Variants in PRR16 observed in about 807,000 individuals in gnomAD.
PRR16 encodes the protein proline rich 16.
In PRR16, 6 loss-of-function variants were observed where a neutral mutation model predicts 18.2. The ratio of observed to expected loss-of-function variants is 0.33; its 90% CI spans 0.18 to 0.65. The LOEUF is 0.65. PRR16 is among the 30% of genes least tolerant of loss of function. The pLI is 0.74. For synonymous variants in PRR16, 151 were observed against 147.8 expected (o/e 1.02, Z -0.16); for missense variants, 412 against 376.6 (o/e 1.09, Z -0.78).
intron 1 of PRR16, among the ~76,000 whole-genome samples, chr5:120,567,548 A>T (rs1752775943): frequency 6.6e-6 from 1 of 152,114 alleles, no homozygotes. Flanking sequence ...CTCAAATCTC[A>T]CACTGAATTG....
At chr5:120,655,388 T>TAAA (rs1554092374) in intron 1 of PRR16, among the ~76,000 whole-genome samples, 200 of 143,602 alleles carry the variant, frequency 1.4e-3, no homozygotes, top group Middle Eastern at 3.6e-3. Context: ...TTTTTTTTTT[T>TAAA]AAAAAAAAAG....
At chr5:120,694,475 G>A in the PRR16 span, among the ~76,000 whole-genome samples, 1 of 152,024 alleles carries the variant, frequency 6.6e-6, no homozygotes, top group African/African-American at 2.4e-5. Flanking sequence ...ACGAGGTCAG[G>A]AGATCGAGAC....
the PRR16 span, among the ~76,000 whole-genome samples, chr5:120,733,811 G>C: frequency 6.6e-6 from 1 of 151,838 alleles, no homozygotes; most frequent in East Asian, 1.9e-4. Context: ...CTTTCATTTT[G>C]AGTGTTTACA....
At chr5:120,727,643 T>A in the PRR16 span, among the ~76,000 whole-genome samples, 2 of 152,178 alleles carry the variant, frequency 1.3e-5, no homozygotes, top group African/African-American at 4.8e-5. Flanking sequence ...TGCAATGGAT[T>A]TAACAAACAA....
intron 1 of PRR16, among the ~76,000 whole-genome samples, chr5:120,477,878 T>C (rs1749493412): frequency 6.6e-6 from 1 of 152,188 alleles, no homozygotes; most frequent in Non-Finnish European, 1.5e-5. Flanking sequence ...AGCAAACGCT[T>C]ACCTCACTCA....
chr5:120,706,991 A>G, the PRR16 span, among the ~76,000 whole-genome samples: 2 of 152,188 alleles, frequency 1.3e-5, no homozygotes, highest in Non-Finnish European at 2.9e-5. Flanking sequence ...TTTGATGATT[A>G]CATTTCAAAG....
chr5:120,756,162 C>G, the PRR16 span, among the ~76,000 whole-genome samples: 1 of 152,112 alleles, frequency 6.6e-6, no homozygotes, highest in African/African-American at 2.4e-5. Flanking sequence ...CACATGAAGA[C>G]TTGGCCTGCA....
At chr5:120,666,200 A>T (rs927438280) in intron 1 of PRR16, among the ~76,000 whole-genome samples, 2 of 152,060 alleles carry the variant, frequency 1.3e-5, no homozygotes, top group African/African-American at 4.8e-5. Flanking sequence ...ATTCCTAGGT[A>T]TTTTATTCTC....
chr5:120,600,935 A>C (rs1753961545), intron 1 of PRR16, among the ~76,000 whole-genome samples: 1 of 151,818 alleles, frequency 6.6e-6, no homozygotes, highest in Non-Finnish European at 1.5e-5. Context: ...TATATTGTAT[A>C]GTTTATATGT....
intron 1 of PRR16, among the ~76,000 whole-genome samples, chr5:120,503,860 A>G (rs919572946): frequency 2.6e-5 from 4 of 151,512 alleles, no homozygotes; most frequent in South Asian, 2.1e-4. Flanking sequence ...TCGTTGTTCA[A>G]TTCCCACCTA....
At chr5:120,551,533 T>C (rs1190055270) in intron 1 of PRR16, among the ~76,000 whole-genome samples, 2 of 152,028 alleles carry the variant, frequency 1.3e-5, no homozygotes, top group East Asian at 1.9e-4. Context: ...AATCAATGTA[T>C]GATGAATGCA....
At chr5:120,672,020 A>C (rs1044572171) in intron 1 of PRR16, among the ~76,000 whole-genome samples, 20 of 152,214 alleles carry the variant, frequency 1.3e-4, no homozygotes, top group African/African-American at 4.6e-4. Flanking sequence ...TTCTAGACAT[A>C]AATGCCCAGG....
intron 1 of PRR16, among the ~76,000 whole-genome samples, chr5:120,572,924 T>C (rs1256072377): frequency 2.0e-5 from 3 of 152,146 alleles, no homozygotes; most frequent in African/African-American, 7.2e-5. Flanking sequence ...ACTTCTATAG[T>C]AGATATTGTG....
chr5:120,717,207 A>G, the PRR16 span, among the ~76,000 whole-genome samples: 1 of 152,206 alleles, frequency 6.6e-6, no homozygotes, highest in African/African-American at 2.4e-5. Context: ...AAGTACAAAC[A>G]CTTTAAGGTT....
intron 1 of PRR16, among the ~76,000 whole-genome samples, chr5:120,648,894 C>A (rs1173918269): frequency 6.6e-6 from 1 of 152,024 alleles, no homozygotes; most frequent in South Asian, 2.1e-4. Context: ...CAAGAGCACA[C>A]CTTTATATGG....
intron 1 of PRR16, among the ~76,000 whole-genome samples, chr5:120,506,302 T>G (rs1218267962): frequency 6.6e-6 from 1 of 152,060 alleles, no homozygotes; most frequent in Non-Finnish European, 1.5e-5. Context: ...AAATACAATT[T>G]TATTTTAGAA....
At position 120,620,162 on chromosome 5, in the gene PRR16, G is replaced by T. The variant is rs1217179892; in HGVS notation, c.160-65792G>T. 2.6e-5 allele frequency among the ~76,000 whole-genome samples: 4 copies of T among 152,128 alleles called. No homozygotes were observed. The East Asian group carries it at 5.8e-4, about 22-fold the overall frequency. Reference sequence around the variant, plus strand: ...GTGAAATGGAAAGAAGACGAAAAATGCAGACCAGAACTTTTGCAAGATTGT... The same window carrying T: ...GTGAAATGGAAAGAAGACGAAAAATTCAGACCAGAACTTTTGCAAGATTGT... On this transcript the variant is annotated intron_variant, in intron 1 of 1. Transcript: ENST00000407149.
At chr5:120,791,646 CT>C in the PRR16 span, among the ~76,000 whole-genome samples, 42 of 149,962 alleles carry the variant, frequency 2.8e-4, no homozygotes, top group African/African-American at 7.6e-4. Context: ...ATCTATCTAT[CT>C]ATCTATCTAT....
At chr5:120,794,142 G>T in the PRR16 span, among the ~76,000 whole-genome samples, 2 of 152,080 alleles carry the variant, frequency 1.3e-5, no homozygotes, top group Admixed American at 1.3e-4. Context: ...CAACAGGAAA[G>T]ATTTACTTGC....
Sources: allele counts gnomAD v4.1 joint callset (sites outside exome capture counted in the v4.1 genomes callset), GRCh38; gene constraint gnomAD v4.1.1; transcripts MANE v1.5; gene names NCBI Gene and HGNC (gene_info 2026-07-23, HGNC 2026-07-21).